IQSEC1: variants seen among roughly 807,000 people sequenced by gnomAD.
IQSEC1 encodes IQ motif and SEC7 domain-containing protein 1.
A neutral mutation model predicts 91.0 loss-of-function variants in IQSEC1; 31 were observed. The ratio of observed to expected loss-of-function variants is 0.34; its 90% CI spans 0.26 to 0.46. The LOEUF (loss-of-function observed/expected upper bound fraction) is 0.46, where lower values mean the gene tolerates loss of function less well. IQSEC1 is among the 20% of genes least tolerant of loss of function. The pLI, the probability that IQSEC1 is intolerant of heterozygous loss-of-function variation, is 1.00. For synonymous variants in IQSEC1, 699 were observed against 662.6 expected, an observed-to-expected ratio of 1.05 and a Z score of -0.84; for missense variants, 1,388 against 1,575.6, an observed-to-expected ratio of 0.88 and a Z score of 2.02.
intron 1 of IQSEC1, among the ~76,000 whole-genome samples, chr3:13,247,606 T>C (rs1306983446): frequency 6.6e-6 from 1 of 152,250 alleles, no homozygotes; most frequent in Non-Finnish European, 1.5e-5. Flanking sequence ...TTTCACTCCA[T>C]GAGCCTTCGC....
intron 2 of IQSEC1, among the ~76,000 whole-genome samples, chr3:13,097,283 T>C (rs367966102): frequency 1.3e-5 from 2 of 152,332 alleles, no homozygotes; most frequent in East Asian, 1.9e-4. Flanking sequence ...TCCCACACGA[T>C]TGGAAGAGCT....
Position 12,908,329 on chromosome 3 carries a change from G to A in IQSEC1, c.2755+20C>T. 6.2e-7 allele frequency: 1 copy of A among 1,610,206 alleles called. No homozygotes were observed. The highest frequency in any genetic ancestry group is 8.5e-7 in the Non-Finnish European group (1 of 1,179,414). ...TTGCATGCGCTGGGCTAGCAAGGTG[G>A]TTCTAGGCCAAGCTCTTACCGGCTT... is the stretch of plus-strand genomic sequence containing the variant. On this transcript the variant is annotated intron_variant, in intron 12 of 13. Coordinates refer to ENST00000613206, the MANE Select transcript of IQSEC1 (RefSeq NM_001134382.3). This position sits in a 1 kb window ranked among gnomAD's most constrained non-coding sequence, Gnocchi z 4.9.
chr3:13,267,011 G>C (rs1471275808), intron 1 of IQSEC1, among the ~76,000 whole-genome samples: 1 of 151,956 alleles, frequency 6.6e-6, no homozygotes, highest in African/African-American at 2.4e-5. Context: ...CCTTGCTGTG[G>C]TCTGAATGTC....
At chr3:12,999,203 G>A (rs1702330911) in intron 1 of IQSEC1, among the ~76,000 whole-genome samples, 1 of 152,102 alleles carries the variant, frequency 6.6e-6, no homozygotes, top group Non-Finnish European at 1.5e-5. Context: ...CCTCTATCAA[G>A]AAGCATAAGA....
At chr3:13,003,276 C>CA (rs56239928) in intron 1 of IQSEC1, among the ~76,000 whole-genome samples, 6,286 of 56,246 alleles carry the variant, frequency 0.11, 336 homozygotes, top group Non-Finnish European at 0.12. Flanking sequence ...CTGTCTCTAC[C>CA]AAAAAAAAAA....
intron 1 of IQSEC1, among the ~76,000 whole-genome samples, chr3:13,061,368 C>A (rs1349331404): frequency 6.6e-6 from 1 of 152,168 alleles, no homozygotes; most frequent in East Asian, 1.9e-4. Flanking sequence ...ACATACAATG[C>A]CCTAGGCAGT....
chr3:13,071,161 T>G (rs1205562601), intron 1 of IQSEC1, among the ~76,000 whole-genome samples: 31 of 120,726 alleles, frequency 2.6e-4, no homozygotes, highest in Middle Eastern at 7.9e-3. Context: ...TTGTTTTTTT[T>G]TTTTTGTTTG....
upstream of IQSEC1, among the ~76,000 whole-genome samples, chr3:13,074,269 C>T (rs1203399920): frequency 6.6e-6 from 1 of 152,114 alleles, no homozygotes; most frequent in Non-Finnish European, 1.5e-5. Context: ...ACGCAAGAAG[C>T]AGGGGAGGAG....
At chr3:13,157,743 C>T (rs7640812) in intron 2 of IQSEC1, among the ~76,000 whole-genome samples, 84,474 of 152,030 alleles carry the variant, frequency 0.56, 23,575 homozygotes, top group Middle Eastern at 0.61. Context: ...TCAGACCCTC[C>T]CTCAGGATTC....
chr3:12,936,709 A>C lies in IQSEC1; in HGVS notation c.319-12T>G, dbSNP rs1698236816. On this transcript the variant is annotated splice_polypyrimidine_tract_variant and intron_variant, in intron 2 of 13. Coordinates refer to ENST00000613206, the MANE Select transcript of IQSEC1 (RefSeq NM_001134382.3). ...TCTAGCATCTCCACCTGCGGGTGGGAGAGGAGAATGAGAACAGCACTGCAT... is the reference window on the plus strand; with the variant it reads ...TCTAGCATCTCCACCTGCGGGTGGGCGAGGAGAATGAGAACAGCACTGCAT... The C allele has an allele frequency of 6.4e-7, 1 of 1,556,464 alleles. No individual in the cohort carries two copies.
At position 13,156,620 on chromosome 3, in the gene IQSEC1, G is replaced by A. The variant is rs567932885; in HGVS notation, c.302+7484C>T. On this transcript the variant is annotated intron_variant, in intron 2 of 15. Coordinates refer to the IQSEC1 transcript ENST00000648114. Reference sequence around the variant, plus strand: ...GAGACCAAAATAGCATGCTGTGCCAGGGCACATGGCAGAGCACTGAGGCAC... The same window carrying A: ...GAGACCAAAATAGCATGCTGTGCCAAGGCACATGGCAGAGCACTGAGGCAC... 2.0e-5 allele frequency among the ~76,000 whole-genome samples: 3 copies of A among 152,378 alleles called. No individual in the cohort carries two copies. In the East Asian group the frequency reaches 5.8e-4, roughly 29 times the overall value.
In IQSEC1 at chr3:13,108,067, A is replaced by G. The variant is rs184926625; in HGVS notation, c.302+56037T>C. ...AAAAAAAAGAATCACTCATAACCCC[A>G]CCGCCTGGAACCCACCAGTCTACCT... On this transcript the variant is annotated intron_variant, in intron 2 of 15. Transcript: ENST00000648114. 3.4e-3 allele frequency among the ~76,000 whole-genome samples: 514 copies of G among 152,134 alleles called. 2 individuals are homozygous for G. Among genetic ancestry groups the G allele is most frequent in the Non-Finnish European group, 5.9e-3 (403 of 67,992 alleles).
At chr3:13,270,288 A>G (rs1695571528) in intron 1 of IQSEC1, among the ~76,000 whole-genome samples, 1 of 152,240 alleles carries the variant, frequency 6.6e-6, no homozygotes, top group Admixed American at 6.5e-5. Context: ...CAGGCCAACA[A>G]ATAAACCTTA....
intron 1 of IQSEC1, among the ~76,000 whole-genome samples, chr3:13,045,178 T>A (rs1443160738): frequency 6.6e-6 from 1 of 152,206 alleles, no homozygotes; most frequent in Non-Finnish European, 1.5e-5. Flanking sequence ...GTTGGGATGC[T>A]CCTCACCCCT....
At chr3:12,997,166 A>T (rs1025043246) in intron 1 of IQSEC1, among the ~76,000 whole-genome samples, 4 of 152,240 alleles carry the variant, frequency 2.6e-5, no homozygotes, top group African/African-American at 9.6e-5. Flanking sequence ...TCCAGGTCAT[A>T]TTTCTACTGA....
intron 1 of IQSEC1, among the ~76,000 whole-genome samples, chr3:13,166,958 T>C (rs1693508361): frequency 6.6e-6 from 1 of 152,168 alleles, no homozygotes; most frequent in African/African-American, 2.4e-5. Flanking sequence ...GGAGCAATAA[T>C]GTGGGGAGAA....
At chr3:13,215,731 C>T (rs2349558) in intron 1 of IQSEC1, among the ~76,000 whole-genome samples, 34,103 of 152,214 alleles carry the variant, frequency 0.22, 4,282 homozygotes, top group Non-Finnish European at 0.28. Flanking sequence ...GGCAGAGAGG[C>T]CGGTATGATC....
intron 2 of IQSEC1, among the ~76,000 whole-genome samples, chr3:13,083,054 G>A (rs1705673344): frequency 1.3e-5 from 2 of 152,308 alleles, no homozygotes; most frequent in South Asian, 4.1e-4. Context: ...TTACACACTG[G>A]TTTACTATCA....
At chr3:13,127,329 G>A (rs1037391432) in intron 2 of IQSEC1, among the ~76,000 whole-genome samples, 4 of 151,994 alleles carry the variant, frequency 2.6e-5, no homozygotes, top group South Asian at 2.1e-4. Flanking sequence ...CAGGAGAATC[G>A]CTTGAACCCT....
Sources: gnomAD v4.1 joint callset for allele counts (sites outside exome capture counted in the v4.1 genomes callset) on GRCh38, gnomAD v4.1.1 for gene constraint, Gnocchi (gnomAD v3.1) non-coding constraint, MANE v1.5 for transcripts, NCBI Gene and HGNC (gene_info 2026-07-23, HGNC 2026-07-21) for gene names.